The following FILIP1 variants were observed in gnomAD, a reference collection of about 807,000 sequenced individuals.
FILIP1 encodes the protein filamin-A-interacting protein 1.
Under a neutral mutation model 102.1 loss-of-function variants are expected in FILIP1, and 61 were observed. That is an observed-to-expected ratio of 0.60 (90% CI 0.49 to 0.74). The LOEUF is 0.74. FILIP1 is among the 30% of genes least tolerant of loss of function. The probability of loss-of-function intolerance (pLI) is 0.00; values close to 1 mark genes in which losing one functional copy is unlikely to be tolerated. For missense variants in FILIP1, 1,314 were observed against 1,441.2 expected, an observed-to-expected ratio of 0.91 and a Z score of 1.43; for synonymous variants, 491 against 526.9, an observed-to-expected ratio of 0.93 and a Z score of 0.93.
intron 4 of FILIP1, among the ~76,000 whole-genome samples, chr6:75,315,890 G>A (rs1015288505): frequency 1.1e-4 from 16 of 152,322 alleles, no homozygotes; most frequent in Admixed American, 1.0e-3. Context: ...TTAAACCCTT[G>A]ACGTAAACTA....
intron 4 of FILIP1, among the ~76,000 whole-genome samples, chr6:75,325,500 A>G (rs531575371): frequency 6.6e-6 from 1 of 152,346 alleles, no homozygotes; most frequent in Admixed American, 6.5e-5. Flanking sequence ...TGCATCTGAC[A>G]AAGGACTAAT....
chr6:75,468,848 A>AAAAC (rs1385082446), intron 1 of FILIP1, among the ~76,000 whole-genome samples: 1 of 152,130 alleles, frequency 6.6e-6, no homozygotes, highest in Non-Finnish European at 1.5e-5. Flanking sequence ...TTGGGAAAGA[A>AAAAC]AAAACAAAAT....
chr6:75,340,431 A>C (rs1453884369), intron 4 of FILIP1, among the ~76,000 whole-genome samples: 1 of 152,208 alleles, frequency 6.6e-6, no homozygotes, highest in Non-Finnish European at 1.5e-5. Flanking sequence ...GCCATACAAA[A>C]AGATGACTAT....
At chr6:75,457,240 T>G (rs985457016) in intron 1 of FILIP1, among the ~76,000 whole-genome samples, 1 of 152,186 alleles carries the variant, frequency 6.6e-6, no homozygotes, top group Non-Finnish European at 1.5e-5. Flanking sequence ...CTGGCTCAAA[T>G]TGAAAAAGCA....
chr6:75,363,999 T>G (rs938280943), intron 2 of FILIP1, among the ~76,000 whole-genome samples: 1 of 152,224 alleles, frequency 6.6e-6, no homozygotes, highest in Admixed American at 6.5e-5. Flanking sequence ...GTATTCATGA[T>G]ACGACCATTA....
intron 4 of FILIP1, among the ~76,000 whole-genome samples, chr6:75,333,388 G>A (rs1774141914): frequency 6.6e-6 from 1 of 151,996 alleles, no homozygotes; most frequent in Non-Finnish European, 1.5e-5. Context: ...ATTTTGTATT[G>A]ATCTTGACTA....
chr6:75,344,209 TTTC>T (rs1774505716), intron 4 of FILIP1, among the ~76,000 whole-genome samples: 1 of 152,174 alleles, frequency 6.6e-6, no homozygotes, highest in South Asian at 2.1e-4. Context: ...ACTGTTGTCC[TTTC>T]TTCTTTCTGT....
chr6:75,453,213 C>T (rs1482384214), intron 1 of FILIP1, among the ~76,000 whole-genome samples: 1 of 152,160 alleles, frequency 6.6e-6, no homozygotes, highest in African/African-American at 2.4e-5. Flanking sequence ...TCATCTTACC[C>T]GAAGGCCTAT....
chr6:75,468,289 G>A (rs1480074003), intron 1 of FILIP1, among the ~76,000 whole-genome samples: 1 of 152,142 alleles, frequency 6.6e-6, no homozygotes. Context: ...GTTGGAGTAA[G>A]GCCAATACCA....
At chr6:75,332,542 T>A (rs1172393077) in intron 4 of FILIP1, among the ~76,000 whole-genome samples, 1 of 152,188 alleles carries the variant, frequency 6.6e-6, no homozygotes, top group Non-Finnish European at 1.5e-5. Flanking sequence ...TCTTAAGGAA[T>A]GTATTGCCCA....
downstream of FILIP1, among the ~76,000 whole-genome samples, chr6:75,306,849 C>A (rs868066936): frequency 1.4e-5 from 1 of 71,194 alleles, no homozygotes; most frequent in African/African-American, 5.3e-5. Flanking sequence ...GCCTCCCAGG[C>A]TGGAGTGCAG....
intron 1 of FILIP1, among the ~76,000 whole-genome samples, chr6:75,489,353 T>C (rs1179283637): frequency 1.3e-5 from 2 of 152,108 alleles, no homozygotes; most frequent in East Asian, 1.9e-4. Flanking sequence ...CAGCAAAGTA[T>C]GTCCCAAGCA....
At chr6:75,363,369 G>A (rs1775231769) in intron 2 of FILIP1, among the ~76,000 whole-genome samples, 1 of 152,164 alleles carries the variant, frequency 6.6e-6, no homozygotes. Context: ...ATAACTTCAT[G>A]TGTAATTAAC....
At chr6:75,421,558 C>T (rs1239840243) in intron 1 of FILIP1, among the ~76,000 whole-genome samples, 1 of 152,118 alleles carries the variant, frequency 6.6e-6, no homozygotes, top group Non-Finnish European at 1.5e-5. Context: ...GAGCCTGAAA[C>T]ATCAGCACCC....
chr6:75,454,667 A>G lies in FILIP1; in HGVS notation c.-7+38747T>C, dbSNP rs534684386. On this transcript the variant is annotated intron_variant, in intron 1 of 5. Coordinates refer to ENST00000237172, the MANE Select transcript of FILIP1 (RefSeq NM_015687.5). ...TCCGTGAAGTCCCATGTCTTTTCTTATGATGAGAAATATTTCTACAATAGG... is the reference window on the plus strand; with the variant it reads ...TCCGTGAAGTCCCATGTCTTTTCTTGTGATGAGAAATATTTCTACAATAGG... Among the ~76,000 whole-genome samples the G allele has an allele frequency of 2.6e-5, 4 of 152,352 alleles. No homozygotes were observed. The South Asian group carries it at 8.3e-4, about 32-fold the overall frequency.
chr6:75,460,605 A>G lies in FILIP1; in HGVS notation c.-7+32809T>C, dbSNP rs555313837. 6.6e-5 allele frequency among the ~76,000 whole-genome samples: 10 copies of G among 152,268 alleles called. No homozygotes were observed. In the South Asian group the frequency reaches 2.1e-3, roughly 32 times the overall value. On this transcript the variant is annotated intron_variant, in intron 1 of 5. Transcript: ENST00000237172. Reference sequence around the variant, plus strand: ...AGTAAAATAACTCAGAATAACTAATAATAACTTTCATTTTCTTCTGAGGCT... The same window carrying G: ...AGTAAAATAACTCAGAATAACTAATGATAACTTTCATTTTCTTCTGAGGCT...
intron 2 of FILIP1, among the ~76,000 whole-genome samples, chr6:75,404,480 C>G (rs1036548405): frequency 5.3e-5 from 8 of 152,164 alleles, no homozygotes; most frequent in Admixed American, 5.2e-4. Flanking sequence ...ATGTATCCTC[C>G]TTTACACGCA....
intron 2 of FILIP1, among the ~76,000 whole-genome samples, chr6:75,382,769 T>C (rs1255430672): frequency 2.6e-5 from 4 of 152,184 alleles, no homozygotes; most frequent in Admixed American, 6.5e-5. Flanking sequence ...TAGTCTTAAA[T>C]GCTACAGGAA....
intron 1 of FILIP1, among the ~76,000 whole-genome samples, chr6:75,488,721 T>C (rs1452159222): frequency 6.6e-6 from 1 of 152,172 alleles, no homozygotes; most frequent in Non-Finnish European, 1.5e-5. Context: ...AAACCATTTA[T>C]GTCCTGCATA....
Sources: gnomAD v4.1 joint callset for allele counts (sites outside exome capture counted in the v4.1 genomes callset) on GRCh38, gnomAD v4.1.1 for gene constraint, MANE v1.5 for transcripts, NCBI Gene and HGNC (gene_info 2026-07-23, HGNC 2026-07-21) for gene names.